LARGE1: variants seen among roughly 807,000 people sequenced by gnomAD.
LARGE1 encodes LARGE xylosyl- and glucuronyltransferase 1.
Under a neutral mutation model 87.6 loss-of-function variants are expected in LARGE1, and 43 were observed. The ratio of observed to expected loss-of-function variants is 0.49; its 90% CI spans 0.38 to 0.63. The LOEUF is 0.63. Among genes scored for constraint, LARGE1 ranks in the 30% least tolerant of loss-of-function variants. The pLI is 0.00. For missense variants in LARGE1, 802 were observed against 1,000.2 expected (o/e 0.80, Z 2.67); for synonymous variants, 434 against 394.6 (o/e 1.10, Z -1.18).
intron 1 of LARGE1, among the ~76,000 whole-genome samples, chr22:33,863,967 T>C (rs940482378): frequency 2.6e-5 from 4 of 152,168 alleles, no homozygotes; most frequent in African/African-American, 7.2e-5. Flanking sequence ...CTGGCCTAAC[T>C]AACGCCTCCC....
At chr22:33,526,352 G>C (rs1008132597) in intron 6 of LARGE1, among the ~76,000 whole-genome samples, 1 of 152,198 alleles carries the variant, frequency 6.6e-6, no homozygotes. Context: ...GCCTGTTTTC[G>C]CCACAGATGA....
At chr22:33,069,595 T>C in the LARGE1 span, among the ~76,000 whole-genome samples, 1 of 152,228 alleles carries the variant, frequency 6.6e-6, no homozygotes, top group East Asian at 1.9e-4. Context: ...ACCTATTAGG[T>C]TCATTATGAA....
downstream of LARGE1, among the ~76,000 whole-genome samples, chr22:33,268,068 C>T (rs955648758): frequency 6.6e-6 from 1 of 151,168 alleles, no homozygotes; most frequent in African/African-American, 2.5e-5. Flanking sequence ...CGATTCTCCT[C>T]TCAGCCTCCC....
At chr22:33,465,744 T>A (rs2068581140) in intron 6 of LARGE1, among the ~76,000 whole-genome samples, 1 of 152,234 alleles carries the variant, frequency 6.6e-6, no homozygotes, top group African/African-American at 2.4e-5. Flanking sequence ...ACTGCTGATG[T>A]GCCAAGAACA....
intron 11 of LARGE1, among the ~76,000 whole-genome samples, chr22:33,191,656 A>G (rs1301853479): frequency 1.3e-5 from 2 of 152,250 alleles, no homozygotes; most frequent in Non-Finnish European, 2.9e-5. Flanking sequence ...TGGTGCTGGC[A>G]AGGTGAGCAC....
intron 13 of LARGE1, among the ~76,000 whole-genome samples, chr22:33,279,190 G>A (rs371728962): frequency 2.0e-5 from 3 of 152,266 alleles, no homozygotes; most frequent in Middle Eastern, 3.4e-3. Flanking sequence ...ACAGAGAGAC[G>A]GCAGGAAGCT....
intron 11 of LARGE1, among the ~76,000 whole-genome samples, chr22:33,242,203 A>C (rs767611457): frequency 6.6e-6 from 1 of 152,202 alleles, no homozygotes; most frequent in African/African-American, 2.4e-5. Flanking sequence ...TGTTCATAGA[A>C]TACTCTTAGC....
intron 1 of LARGE1, among the ~76,000 whole-genome samples, chr22:33,818,217 T>C (rs2086714599): frequency 6.6e-6 from 1 of 152,156 alleles, no homozygotes; most frequent in Admixed American, 6.5e-5. Context: ...TCAAGTCACT[T>C]ACCAAACCCT....
At chr22:33,850,267 C>T (rs1439892938) in intron 1 of LARGE1, among the ~76,000 whole-genome samples, 4 of 152,162 alleles carry the variant, frequency 2.6e-5, no homozygotes, top group Non-Finnish European at 4.4e-5. Context: ...CTTCTAACCC[C>T]TATTTTCCCA....
In LARGE1 at chr22:33,606,859, T is replaced by C. The variant is rs905180584; in HGVS notation, c.492-2301A>G. 4.1e-4 allele frequency among the ~76,000 whole-genome samples: 63 copies of C among 152,124 alleles called. 1 individual carries two copies. Among genetic ancestry groups the C allele is most frequent in the Non-Finnish European group, 1.3e-4 (9 of 68,006 alleles). ...CCGCCATCATTTGCTCCTAGGATCCTTTCCTGACTACCCACATCTAGGTCA... is the reference window on the plus strand; with the variant it reads ...CCGCCATCATTTGCTCCTAGGATCCCTTCCTGACTACCCACATCTAGGTCA... On this transcript the variant is annotated intron_variant, in intron 4 of 14. Transcript: ENST00000397394.
the LARGE1 span, among the ~76,000 whole-genome samples, chr22:33,097,365 C>G: frequency 2.0e-5 from 3 of 152,206 alleles, no homozygotes; most frequent in African/African-American, 7.2e-5. Flanking sequence ...ATATCTTGCC[C>G]TTCTGTCCTC....
intron 1 of LARGE1, among the ~76,000 whole-genome samples, chr22:33,848,224 T>C (rs2063487979): frequency 6.6e-6 from 1 of 152,184 alleles, no homozygotes. Flanking sequence ...TAGGTGCTTA[T>C]TAGGAAAAGA....
At chr22:33,396,183 T>C (rs742008) in intron 7 of LARGE1, among the ~76,000 whole-genome samples, 49,695 of 152,162 alleles carry the variant, frequency 0.33, 9,165 homozygotes, top group African/African-American at 0.5. Context: ...CTGGGGAGCG[T>C]GCAGACTCTC....
intron 2 of LARGE1, among the ~76,000 whole-genome samples, chr22:33,674,679 C>G (rs2081512424): frequency 3.3e-5 from 5 of 152,292 alleles, no homozygotes; most frequent in African/African-American, 1.2e-4. Flanking sequence ...TCCAGGATCT[C>G]TGTCTACACA....
At chr22:33,769,744 C>T (rs574439930) in intron 1 of LARGE1, among the ~76,000 whole-genome samples, 1 of 152,278 alleles carries the variant, frequency 6.6e-6, no homozygotes, top group Admixed American at 6.5e-5. Flanking sequence ...ACTGCTTCCC[C>T]TAAAAGAAAG....
At chr22:33,266,950 C>G (rs1250266585) in intron 11 of LARGE1, among the ~76,000 whole-genome samples, 1 of 151,586 alleles carries the variant, frequency 6.6e-6, no homozygotes, top group Non-Finnish European at 1.5e-5. Flanking sequence ...TAAATAATAT[C>G]TTCTCATGGC....
intron 1 of LARGE1, among the ~76,000 whole-genome samples, chr22:33,876,728 G>A (rs1470231043): frequency 6.6e-6 from 1 of 151,764 alleles, no homozygotes; most frequent in Admixed American, 6.6e-5. Context: ...CTAGATGACG[G>A]GTCGACAGGT....
At chr22:33,581,794 A>G (rs2078527576) in intron 5 of LARGE1, among the ~76,000 whole-genome samples, 1 of 148,688 alleles carries the variant, frequency 6.7e-6, no homozygotes, top group Non-Finnish European at 1.5e-5. Context: ...TCTGGGTGAC[A>G]GAGTGAAACT....
intron 6 of LARGE1, among the ~76,000 whole-genome samples, chr22:33,433,607 C>CAAAAAAAAAAAAA (rs57605083): frequency 7.2e-3 from 636 of 87,928 alleles, no homozygotes; most frequent in Middle Eastern, 0.01. Context: ...AAAAACAAAA[C>CAAAAAAAAAAAAA]AAAAAAAAAA....
Sources: allele counts gnomAD v4.1 joint callset (sites outside exome capture counted in the v4.1 genomes callset), GRCh38; gene constraint gnomAD v4.1.1; transcripts MANE v1.5; gene names NCBI Gene and HGNC (gene_info 2026-07-23, HGNC 2026-07-21).